TPD52: variants seen among roughly 807,000 people sequenced by gnomAD.
The protein encoded by TPD52 is tumor protein D52.
A neutral mutation model predicts 31.3 loss-of-function variants in TPD52; 17 were observed. That is an observed-to-expected ratio of 0.54 (90% CI 0.37 to 0.82). TPD52 has a LOEUF of 0.82. TPD52 is among the 40% of genes least tolerant of loss of function. The pLI is 0.00. For missense variants in TPD52, 212 were observed against 240.1 expected, an observed-to-expected ratio of 0.88 and a Z score of 0.77; for synonymous variants, 83 against 89.6, an observed-to-expected ratio of 0.93 and a Z score of 0.42.
chr8:80,052,776 A>AT, intron 3 of TPD52: 2 of 673,816 alleles, frequency 3.0e-6, no homozygotes, highest in Non-Finnish European at 4.3e-6. Context: ...CCAAGAGCAT[A>AT]TATCTGAGAC....
intron 1 of TPD52, among the ~76,000 whole-genome samples, chr8:80,122,121 A>C (rs1025534268): frequency 2.6e-5 from 4 of 152,150 alleles, no homozygotes; most frequent in Admixed American, 2.6e-4. Context: ...AAAATCTCAC[A>C]AAAGTTCTCT....
chr8:80,164,898 C>CAAAAAA (rs34027501), intron 1 of TPD52, among the ~76,000 whole-genome samples: 395 of 31,902 alleles, frequency 0.012, 57 homozygotes, highest in Non-Finnish European at 0.015. Context: ...GACAATGTCT[C>CAAAAAA]AAAAAAAAAA....
intron 1 of TPD52, among the ~76,000 whole-genome samples, chr8:80,129,176 T>C (rs1274639130): frequency 6.6e-6 from 1 of 152,154 alleles, no homozygotes; most frequent in Admixed American, 6.5e-5. Flanking sequence ...TTATTGGTTG[T>C]TCCCCACTAT....
In TPD52 at chr8:80,049,966, C is replaced by CA. The variant is rs896404690; in HGVS notation, c.413+478dup. 1.4e-4 allele frequency among the ~76,000 whole-genome samples: 21 copies of CA among 148,854 alleles called. No homozygotes were observed. The South Asian group carries it at 2.6e-3, about 18-fold the overall frequency. ...CCTTATGTATATTTTACCACAACAA[C>CA]AAAAAAAAAGGTAGAGTAACCAATA... is the stretch of plus-strand genomic sequence containing the variant. On this transcript the variant is annotated intron_variant, in intron 5 of 7. Transcript: ENST00000518937.
intron 1 of TPD52, chr8:80,064,808 T>C (rs1326042632): frequency 2.9e-6 from 2 of 681,444 alleles, no homozygotes; most frequent in Admixed American, 4.1e-5. Context: ...AAAATATGAA[T>C]TTAGAAAATA....
intron 2 of TPD52, among the ~76,000 whole-genome samples, chr8:80,054,391 ACT>A (rs921872346): frequency 6.6e-6 from 1 of 152,076 alleles, no homozygotes; most frequent in African/African-American, 2.4e-5. Context: ...AAAATGGTAG[ACT>A]CTCTATTTCA....
At chr8:80,040,904 G>A (rs1810316256) in intron 7 of TPD52, among the ~76,000 whole-genome samples, 1 of 152,164 alleles carries the variant, frequency 6.6e-6, no homozygotes, top group Non-Finnish European at 1.5e-5. Flanking sequence ...GCCAAGAACT[G>A]TTCTAAGCCT....
chr8:80,156,224 G>A (rs891440941), intron 1 of TPD52, among the ~76,000 whole-genome samples: 2 of 152,202 alleles, frequency 1.3e-5, no homozygotes, highest in African/African-American at 4.8e-5. Context: ...GAGGTTTCCT[G>A]GCACCTGTCT....
intron 1 of TPD52, among the ~76,000 whole-genome samples, chr8:80,092,730 G>A (rs949309009): frequency 6.6e-6 from 1 of 151,362 alleles, no homozygotes; most frequent in African/African-American, 2.4e-5. Flanking sequence ...CTCGTGAAGA[G>A]AGAGTAAAAT....
intron 2 of TPD52, among the ~76,000 whole-genome samples, chr8:80,053,739 A>T (rs1321159781): frequency 6.6e-6 from 1 of 152,098 alleles, no homozygotes; most frequent in Non-Finnish European, 1.5e-5. Flanking sequence ...ATTTCTACAC[A>T]GATAATACTT....
chr8:80,155,652 G>A (rs1159551258), intron 1 of TPD52, among the ~76,000 whole-genome samples: 1 of 152,204 alleles, frequency 6.6e-6, no homozygotes, highest in Non-Finnish European at 1.5e-5. Context: ...GAGAGGCCGA[G>A]GCGGGCAGAT....
At chr8:80,158,931 G>A (rs1442265381) in intron 1 of TPD52, 38 of 108,964 alleles carry the variant, frequency 3.5e-4, no homozygotes, top group African/African-American at 1.5e-3. Context: ...GCGACAGAGC[G>A]AGACTCCGTC....
chr8:80,098,327 G>A (rs567219585), intron 1 of TPD52, among the ~76,000 whole-genome samples: 6 of 152,242 alleles, frequency 3.9e-5, no homozygotes, highest in Admixed American at 2.0e-4. Flanking sequence ...GAGATTGCTC[G>A]GGTGGGTCTG....
intron 2 of TPD52, among the ~76,000 whole-genome samples, chr8:80,063,211 T>C (rs1486561932): frequency 6.6e-6 from 1 of 152,220 alleles, no homozygotes; most frequent in African/African-American, 2.4e-5. Flanking sequence ...GGAATATTAT[T>C]CAGTCATTAA....
In TPD52 at chr8:80,077,111, C is replaced by T. The variant is rs960122749; in HGVS notation, c.20-12518G>A. The stretch of plus-strand genomic sequence containing the variant: ...CCAATATGGTGAAACCCCGTCTCTA[C>T]TAAAAATACAAAAATTAGCACGATG... On this transcript the variant is annotated intron_variant, in intron 1 of 7. Coordinates refer to ENST00000518937, the MANE Select transcript of TPD52 (RefSeq NM_001025253.3). Among the ~76,000 whole-genome samples, 4 of 152,150 alleles carry T rather than the reference C, an allele frequency of 2.6e-5. No homozygotes were observed. The South Asian group carries it at 6.2e-4, about 24-fold the overall frequency.
Position 80,037,488 on chromosome 8 carries a change from G to A in TPD52, c.*628C>T, listed in dbSNP as rs1299485512. The stretch of plus-strand genomic sequence containing the variant: ...GGAGGTTCCACTCTCAAGTCACCTA[G>A]AAGTTTGATTACATATTGTTACTTA... On this transcript the variant is annotated 3_prime_UTR_variant, in exon 8 of 8. Transcript: ENST00000518937. The A allele has an allele frequency of 1.3e-5, 2 of 152,170 alleles. No homozygotes were observed. The highest frequency in any genetic ancestry group is 4.8e-5 in the African/African-American group (2 of 41,448). 9.4% of individuals were successfully genotyped at this position (152,170 alleles called of 1,614,324 possible). A position where few individuals can be genotyped will look rare whatever the true frequency, so the allele number is the denominator to read the frequency against.
chr8:80,064,959 T>C (rs1007340226), intron 1 of TPD52: 2 of 404,518 alleles, frequency 4.9e-6, no homozygotes, highest in African/African-American at 4.2e-5. Context: ...AGATTTTAGC[T>C]CCTTCCCAGT....
chr8:80,095,948 A>G (rs1192063066), intron 1 of TPD52, among the ~76,000 whole-genome samples: 3 of 151,498 alleles, frequency 2.0e-5, no homozygotes, highest in Non-Finnish European at 4.4e-5. Flanking sequence ...CTCCATCTCT[A>G]CATACATACA....
intron 1 of TPD52, among the ~76,000 whole-genome samples, chr8:80,116,164 TA>T (rs1480498701): frequency 6.6e-6 from 1 of 152,174 alleles, no homozygotes; most frequent in Non-Finnish European, 1.5e-5. Flanking sequence ...TATCAAAAGA[TA>T]TTAACTGTGG....
Sources: gnomAD v4.1 joint callset for allele counts (sites outside exome capture counted in the v4.1 genomes callset) on GRCh38, gnomAD v4.1.1 for gene constraint, MANE v1.5 for transcripts, NCBI Gene and HGNC (gene_info 2026-07-23, HGNC 2026-07-21) for gene names.